The following LMO2 variants were observed in gnomAD, a reference collection of about 807,000 sequenced individuals.
The protein encoded by LMO2 is LIM domain only 2, also known as rhombotin-2.
Under a neutral mutation model 23.2 loss-of-function variants are expected in LMO2, and 20 were observed. The observed-to-expected ratio is 0.86, with a 90% CI of 0.61 to 1.25. The LOEUF (loss-of-function observed/expected upper bound fraction) is 1.25. Among genes scored for constraint, LMO2 ranks in the 50% most tolerant of loss-of-function variants. The probability of loss-of-function intolerance (pLI) is 0.00; values close to 1 mark genes in which losing one functional copy is unlikely to be tolerated. For synonymous variants in LMO2, 123 were observed against 130.2 expected (o/e 0.94, Z 0.38); for missense variants, 270 against 315.3 (o/e 0.86, Z 1.09).
chr11:33,889,166 A>T (rs1469385513), intron 1 of LMO2, among the ~76,000 whole-genome samples: 3 of 152,156 alleles, frequency 2.0e-5, no homozygotes, highest in Non-Finnish European at 4.4e-5. Flanking sequence ...GTGCAGTGGG[A>T]CCTCAGAGGC....
intron 5 of LMO2, among the ~76,000 whole-genome samples, chr11:33,862,728 C>A (rs117688861): frequency 0.025 from 3,768 of 152,266 alleles, 90 homozygotes; most frequent in Non-Finnish European, 0.037. Context: ...AAAGGACCAT[C>A]CCTGACGCAA....
At chr11:33,878,193 T>C (rs1266971599) in intron 2 of LMO2, among the ~76,000 whole-genome samples, 1 of 152,044 alleles carries the variant, frequency 6.6e-6, no homozygotes, top group African/African-American at 2.4e-5. Flanking sequence ...GTAATCCTGC[T>C]CACTCCATTG....
At chr11:33,867,225 G>T (rs1327693594) in intron 4 of LMO2, among the ~76,000 whole-genome samples, 1 of 152,194 alleles carries the variant, frequency 6.6e-6, no homozygotes, top group Non-Finnish European at 1.5e-5. Context: ...TGTTTCATTT[G>T]CATATAGCTA....
intron 4 of LMO2, among the ~76,000 whole-genome samples, chr11:33,868,775 G>A (rs1856881228): frequency 6.6e-6 from 1 of 152,140 alleles, no homozygotes; most frequent in Non-Finnish European, 1.5e-5. Context: ...TCCGGATTTC[G>A]CTGCTCTAGA....
At chr11:33,879,750 A>G (rs1350918341) in intron 2 of LMO2, among the ~76,000 whole-genome samples, 1 of 152,204 alleles carries the variant, frequency 6.6e-6, no homozygotes, top group Non-Finnish European at 1.5e-5. Context: ...AGCACATGAA[A>G]AGATGTTCTA....
chr11:33,889,686 T>G lies in LMO2; in HGVS notation c.-336+2109A>C, dbSNP rs192988224. ...TGGCGATGTGGAGAAAAGGAAACTCTTATACGCTGTTGGTGGGAATGTAAA... is the reference window on the plus strand; with the variant it reads ...TGGCGATGTGGAGAAAAGGAAACTCGTATACGCTGTTGGTGGGAATGTAAA... On this transcript the variant is annotated intron_variant, in intron 1 of 5. Coordinates refer to ENST00000257818, the MANE Select transcript of LMO2 (RefSeq NM_005574.4). 3.3e-5 allele frequency among the ~76,000 whole-genome samples: 5 copies of G among 152,356 alleles called. No individual in the cohort carries two copies. The East Asian group carries it at 7.7e-4, about 23-fold the overall frequency.
intron 2 of LMO2, among the ~76,000 whole-genome samples, chr11:33,874,515 T>C (rs1206815843): frequency 6.6e-6 from 1 of 152,230 alleles, no homozygotes; most frequent in African/African-American, 2.4e-5. Flanking sequence ...CAATAGGATA[T>C]GTATAAAAAT....
intron 2 of LMO2, among the ~76,000 whole-genome samples, chr11:33,873,213 T>A (rs1230120149): frequency 1.3e-5 from 2 of 152,212 alleles, no homozygotes; most frequent in Admixed American, 6.5e-5. Context: ...CGTTTCTTTT[T>A]AATAATATGC....
chr11:33,859,937 C>A (rs1856509251), intron 5 of LMO2, among the ~76,000 whole-genome samples: 1 of 152,116 alleles, frequency 6.6e-6, no homozygotes, highest in Non-Finnish European at 1.5e-5. Context: ...CCAGGGGAAC[C>A]CTCATTTCAG....
chr11:33,865,217 G>GCACT, intron 4 of LMO2: 1 of 308,588 alleles, frequency 3.2e-6, no homozygotes, highest in South Asian at 3.0e-5. Context: ...ACACCCAAGG[G>GCACT]CACTGCCTAA....
Position 33,880,754 on chromosome 11 carries a change from G to T in LMO2, c.-272+1070C>A. On this transcript the variant is annotated intron_variant, in intron 2 of 5. Transcript: ENST00000257818. The surrounding 1 kb of genome is among the most constrained non-coding windows in gnomAD (Gnocchi z 4.3). ...CCTAGGTGTAGCTCTGTTCCTACATGCAAAATTTTACATATTGTTCCAGGG... is the reference window on the plus strand; with the variant it reads ...CCTAGGTGTAGCTCTGTTCCTACATTCAAAATTTTACATATTGTTCCAGGG... The T allele has an allele frequency of 5.7e-6, 1 of 174,586 alleles. No homozygotes were observed. The highest frequency in any genetic ancestry group is 1.3e-4 in the South Asian group (1 of 7,946). The allele number at this position is 174,586 out of a possible 1,614,324, so 10.8% of individuals were successfully genotyped here. A position where few individuals can be genotyped will look rare whatever the true frequency, so the allele number is the denominator to read the frequency against.
rs775603523 is a variant in LMO2, at chr11:33,859,351, C to T, written c.*5G>A. On this transcript the variant is annotated 3_prime_UTR_variant, in exon 6 of 6. Transcript: ENST00000257818. ...ACCTCCCCAAAGATGCCCGGGGACTCGGGCCTATATCATCCCATTGATCTT... is the reference window on the plus strand; with the variant it reads ...ACCTCCCCAAAGATGCCCGGGGACTTGGGCCTATATCATCCCATTGATCTT... 47 of 1,608,202 alleles carry T rather than the reference C, an allele frequency of 2.9e-5. No individual in the cohort carries two copies. The highest frequency in any genetic ancestry group is 3.6e-5 in the Non-Finnish European group (42 of 1,175,072).
chr11:33,877,898 G>C (rs1177670077), intron 2 of LMO2, among the ~76,000 whole-genome samples: 1 of 151,752 alleles, frequency 6.6e-6, no homozygotes. Flanking sequence ...AGAGCTGCTT[G>C]TTTTTTCTGC....
intron 1 of LMO2, among the ~76,000 whole-genome samples, chr11:33,889,898 C>T (rs1857502293): frequency 6.6e-6 from 1 of 152,168 alleles, no homozygotes; most frequent in Non-Finnish European, 1.5e-5. Flanking sequence ...ACCTAAGTGT[C>T]CATCAATGGA....
intron 2 of LMO2, among the ~76,000 whole-genome samples, chr11:33,871,732 A>G (rs74760999): frequency 3.2e-3 from 487 of 152,192 alleles, no homozygotes; most frequent in African/African-American, 0.011. Context: ...ATAAATATAT[A>G]GGTTGTGATG....
At chr11:33,887,304 A>G (rs1299950581) in intron 1 of LMO2, among the ~76,000 whole-genome samples, 1 of 152,224 alleles carries the variant, frequency 6.6e-6, no homozygotes, top group Non-Finnish European at 1.5e-5. Context: ...CATGTCCACC[A>G]TGGTTAGGGC....
chr11:33,874,585 C>T (rs1180928432), intron 2 of LMO2, among the ~76,000 whole-genome samples: 1 of 152,216 alleles, frequency 6.6e-6, no homozygotes, highest in Non-Finnish European at 1.5e-5. Flanking sequence ...GGTATTACCC[C>T]ATCTTTCAGA....
At chr11:33,871,076 G>C in intron 2 of LMO2, 1 of 984,112 alleles carries the variant, frequency 1.0e-6, no homozygotes, top group Non-Finnish European at 1.2e-6. Context: ...GATCAGTCTG[G>C]ATCATAGGCA....
chr11:33,870,656 G>T, intron 2 of LMO2: 1 of 812,288 alleles, frequency 1.2e-6, no homozygotes. Context: ...GTCGGCTGGT[G>T]GCGGAATCCC....
Sources: gnomAD v4.1 joint callset for allele counts (sites outside exome capture counted in the v4.1 genomes callset) on GRCh38, gnomAD v4.1.1 for gene constraint, Gnocchi (gnomAD v3.1) non-coding constraint, MANE v1.5 for transcripts, NCBI Gene and HGNC (gene_info 2026-07-23, HGNC 2026-07-21) for gene names.